ZBTB7C: variants seen among roughly 807,000 people sequenced by gnomAD.
The protein encoded by ZBTB7C is zinc finger and BTB domain-containing protein 7C.
ZBTB7C carries 8 observed loss-of-function variants against 25.7 expected under a neutral mutation model. The ratio of observed to expected loss-of-function variants is 0.31; its 90% confidence interval spans 0.18 to 0.56. The LOEUF is 0.56. Ranked by LOEUF, ZBTB7C falls within the 20% of genes least tolerant of loss-of-function variation. The pLI is 0.91. For missense variants in ZBTB7C, 824 were observed against 855.2 expected (o/e 0.96, Z 0.46); for synonymous variants, 394 against 369.0 (o/e 1.07, Z -0.78).
intron 2 of ZBTB7C, among the ~76,000 whole-genome samples, chr18:48,285,710 C>T (rs537822342): frequency 2.0e-5 from 3 of 152,292 alleles, no homozygotes; most frequent in Admixed American, 1.3e-4. Flanking sequence ...CGGCATATAC[C>T]TGGATCTTGT....
At chr18:48,134,636 C>T (rs1355619630) in intron 3 of ZBTB7C, among the ~76,000 whole-genome samples, 2 of 152,208 alleles carry the variant, frequency 1.3e-5, no homozygotes, top group Non-Finnish European at 2.9e-5. Flanking sequence ...AAGCTAAACT[C>T]GAGTCCTATG....
At chr18:48,079,253 C>T (rs1002088346) in intron 3 of ZBTB7C, among the ~76,000 whole-genome samples, 1 of 152,210 alleles carries the variant, frequency 6.6e-6, no homozygotes, top group Non-Finnish European at 1.5e-5. Flanking sequence ...TTTTTCAGTT[C>T]AACCACAGGT....
intron 3 of ZBTB7C, among the ~76,000 whole-genome samples, chr18:48,065,320 A>ATC (rs61539011): frequency 0.033 from 4,930 of 151,262 alleles, 134 homozygotes; most frequent in South Asian, 0.1. Context: ...TTCGCAATGA[A>ATC]TCTCTCTCTC....
chr18:48,395,662 A>G (rs887359614), intron 1 of ZBTB7C, among the ~76,000 whole-genome samples: 3 of 152,178 alleles, frequency 2.0e-5, no homozygotes, highest in African/African-American at 4.8e-5. Context: ...CTCAGTCACC[A>G]GGTACCCAGG....
intron 2 of ZBTB7C, among the ~76,000 whole-genome samples, chr18:48,329,093 C>T (rs1446128489): frequency 6.6e-6 from 1 of 152,210 alleles, no homozygotes; most frequent in African/African-American, 2.4e-5. Flanking sequence ...ATAAAAGCAA[C>T]ACAGGGTCAG....
At chr18:48,310,540 T>C (rs530653014) in intron 2 of ZBTB7C, among the ~76,000 whole-genome samples, 8 of 152,270 alleles carry the variant, frequency 5.3e-5, no homozygotes, top group African/African-American at 1.7e-4. Context: ...AAAGACTTTT[T>C]TCTTTGTGTG....
rs1308572684 is a variant in ZBTB7C at position 48,193,335 on chromosome 18, C to A, written c.-78-7340G>T. On this transcript the variant is annotated intron_variant, in intron 2 of 4. Coordinates refer to ENST00000590800, the MANE Select transcript of ZBTB7C (RefSeq NM_001318841.2). ...GGAAGGTCTATAATAGACTTAGCCC[C>A]CTCCTCGCAGGTCTAGAGGCTAGAC... Among the ~76,000 whole-genome samples, 5 of 151,158 alleles carry A rather than the reference C, an allele frequency of 3.3e-5. No homozygotes were observed. In the Admixed American group the frequency reaches 3.3e-4, roughly 10 times the overall value.
chr18:48,387,621 A>G (rs1282916384), intron 1 of ZBTB7C, among the ~76,000 whole-genome samples: 3 of 152,168 alleles, frequency 2.0e-5, no homozygotes, highest in Non-Finnish European at 2.9e-5. Context: ...AGAAACTAAC[A>G]TGAAGATGGG....
At chr18:48,290,388 G>T (rs534839333) in intron 2 of ZBTB7C, among the ~76,000 whole-genome samples, 1 of 152,350 alleles carries the variant, frequency 6.6e-6, no homozygotes, top group Non-Finnish European at 1.5e-5. Context: ...GGGGTAGCAG[G>T]ACTCTGTGCG....
At chr18:48,390,982 C>A (rs564878148) in intron 1 of ZBTB7C, among the ~76,000 whole-genome samples, 1 of 152,324 alleles carries the variant, frequency 6.6e-6, no homozygotes, top group South Asian at 2.1e-4. Context: ...GGTGAGAAAG[C>A]CACTGAGCTG....
At chr18:48,319,364 A>G (rs1172569083) in intron 2 of ZBTB7C, among the ~76,000 whole-genome samples, 2 of 152,208 alleles carry the variant, frequency 1.3e-5, no homozygotes, top group African/African-American at 4.8e-5. Context: ...TTTCTGTCTC[A>G]GTTTTCCTAT....
At chr18:48,195,167 C>G (rs537253733) in intron 2 of ZBTB7C, among the ~76,000 whole-genome samples, 1 of 152,262 alleles carries the variant, frequency 6.6e-6, no homozygotes, top group Admixed American at 6.5e-5. Flanking sequence ...ATTCATTCAC[C>G]AAACTTTTGA....
At chr18:48,287,125 C>T (rs927681924) in intron 2 of ZBTB7C, among the ~76,000 whole-genome samples, 1 of 152,062 alleles carries the variant, frequency 6.6e-6, no homozygotes, top group Non-Finnish European at 1.5e-5. Context: ...AAATCAGTAA[C>T]AAACGGTAAC....
At chr18:48,368,776 G>C (rs1272619765) in intron 1 of ZBTB7C, among the ~76,000 whole-genome samples, 1 of 152,228 alleles carries the variant, frequency 6.6e-6, no homozygotes, top group African/African-American at 2.4e-5. Flanking sequence ...GAGATGAAAA[G>C]GAAGCAGCAC....
chr18:48,402,373 T>G (rs1381934450), intron 1 of ZBTB7C, among the ~76,000 whole-genome samples: 1 of 152,202 alleles, frequency 6.6e-6, no homozygotes, highest in East Asian at 1.9e-4. Context: ...TACAAGTGTG[T>G]TTCTAAGGAA....
chr18:48,189,601 T>C (rs1599065758), intron 2 of ZBTB7C, among the ~76,000 whole-genome samples: 2 of 152,128 alleles, frequency 1.3e-5, no homozygotes, highest in Admixed American at 1.3e-4. Context: ...CCTTCCAAGT[T>C]AGCAGTTGCT....
intron 2 of ZBTB7C, among the ~76,000 whole-genome samples, chr18:48,235,433 C>T (rs540842489): frequency 6.6e-6 from 1 of 152,210 alleles, no homozygotes; most frequent in Admixed American, 6.5e-5. Context: ...ACTTTGTGCT[C>T]ATTTCATTCT....
chr18:48,209,064 C>T (rs974818248), intron 2 of ZBTB7C, among the ~76,000 whole-genome samples: 24 of 152,178 alleles, frequency 1.6e-4, no homozygotes, highest in Non-Finnish European at 2.8e-4. Flanking sequence ...AGAGAATATT[C>T]CCCTGGATAT....
At chr18:48,282,639 T>C (rs184393676) in intron 2 of ZBTB7C, among the ~76,000 whole-genome samples, 1 of 152,266 alleles carries the variant, frequency 6.6e-6, no homozygotes, top group East Asian at 1.9e-4. Flanking sequence ...GACATTGTGG[T>C]ATAGTCACAC....
Sources: gnomAD v4.1 joint callset for allele counts (sites outside exome capture counted in the v4.1 genomes callset) on GRCh38, gnomAD v4.1.1 for gene constraint, MANE v1.5 for transcripts, NCBI Gene and HGNC (gene_info 2026-07-23, HGNC 2026-07-21) for gene names.